AGAP6: variants seen among roughly 807,000 people sequenced by gnomAD.
The protein encoded by AGAP6 is arf-GAP with GTPase, ANK repeat and PH domain-containing protein 6.
A neutral mutation model predicts 63.9 loss-of-function variants in AGAP6; 29 were observed. The ratio of observed to expected loss-of-function variants is 0.45; its 90% CI spans 0.34 to 0.62. The LOEUF (loss-of-function observed/expected upper bound fraction) is 0.62. Ranked by LOEUF, AGAP6 falls within the 20% of genes least tolerant of loss-of-function variation. The probability of loss-of-function intolerance (pLI) is 0.01; values close to 1 mark genes in which losing one functional copy is unlikely to be tolerated. For missense variants in AGAP6, 493 were observed against 884.9 expected (o/e 0.56, Z 5.62); for synonymous variants, 199 against 332.9 (o/e 0.60, Z 4.38).
rs1841148426 is a variant in AGAP6 at position 49,988,886 on chromosome 10, A to C, written c.171A>C (p.Glu57Asp). 3 of 1,599,748 alleles carry C rather than the reference A, an allele frequency of 1.9e-6. No individual in the cohort carries two copies. The South Asian group carries it at 3.3e-5, about 18-fold the overall frequency. ...AAVQPAEVTV[E>D]VGEDLHMHHV... ...TACAGCCTGCTGAGGTGACTGTTGA[A>C]GTTGGTGAGGACCTCCACATGCACC... is the stretch of plus-strand genomic sequence containing the variant. The change falls in exon 1 of 8, where the codon GAA becomes GAC. Residue 57 changes from glutamate to aspartate, a missense_variant. Physicochemically the swap from Glu to Asp is conservative, Grantham distance 45 (BLOSUM62 2). Transcript: ENST00000412531.
intron 5 of AGAP6, among the ~76,000 whole-genome samples, chr10:50,004,225 G>A (rs1464962338): frequency 2.7e-5 from 4 of 146,404 alleles, no homozygotes; most frequent in East Asian, 4.1e-4. Context: ...GCATAGTGGC[G>A]CAAACTTGTA....
At chr10:50,001,462 C>A (rs1318981767) in intron 4 of AGAP6, among the ~76,000 whole-genome samples, 1 of 116,408 alleles carries the variant, frequency 8.6e-6, no homozygotes. Context: ...CTTTGTCTGC[C>A]GGCCTGGAGT....
intron 4 of AGAP6, among the ~76,000 whole-genome samples, chr10:49,995,564 C>T (rs1163111908): frequency 1.3e-5 from 2 of 152,064 alleles, no homozygotes; most frequent in Middle Eastern, 3.2e-3. Context: ...TTTCTTTGGC[C>T]TTTTGTCATC....
chr10:50,007,800 C>T (rs1435231542), intron 6 of AGAP6, among the ~76,000 whole-genome samples: 5 of 152,020 alleles, frequency 3.3e-5, no homozygotes, highest in Admixed American at 3.3e-4. Context: ...TACTCACGGG[C>T]ATTTCTGACT....
In AGAP6 at chr10:49,991,736, A is replaced by G; in HGVS notation, c.353A>G (p.Gln118Arg). The G allele has an allele frequency of 6.3e-7, 1 of 1,598,662 alleles. No homozygotes were observed. Among genetic ancestry groups the G allele is most frequent in the Non-Finnish European group, 8.5e-7 (1 of 1,179,742 alleles). The change falls in exon 3 of 8, where the codon CAA (glutamine) becomes CGA (arginine). Residue 118 changes from glutamine to arginine, a missense_variant. Transcript: ENST00000412531. ...AGCACAATATTCCAGAGGAACTCTC[A>G]AACAGATGGTGAGACGACATTGTCT... The part of the protein sequence containing the change: ...EASTIFQRNS[Q>R]TDVVEIRRSN...
rs782218965 is a variant in AGAP6 at position 49,989,371 on chromosome 10, CAGA to C, written c.290_292del (p.Glu97del). On this transcript the variant is annotated inframe_deletion and splice_region_variant, in exon 2 of 8. Coordinates refer to ENST00000412531, the MANE Select transcript of AGAP6 (RefSeq NM_001077665.3). ...ACAATATTCCAGAGGAACTCTCAAACAGAAGGTGAGACAACAGTGTCTGTAGCT... is the reference window on the plus strand; with the variant it reads ...ACAATATTCCAGAGGAACTCTCAAACAGGTGAGACAACAGTGTCTGTAGCT... 3 of 1,597,354 alleles carry C rather than the reference CAGA, an allele frequency of 1.9e-6. No homozygotes were observed. Among genetic ancestry groups the C allele is most frequent in the Non-Finnish European group, 1.7e-6 (2 of 1,179,752 alleles).
rs781988484 is a variant in AGAP6 at position 50,002,022 on chromosome 10, A to G, written c.423A>G (p.Gln141=). The G allele has an allele frequency of 5.0e-6, 8 of 1,612,868 alleles. No individual in the cohort carries two copies. In the South Asian group the frequency reaches 6.6e-5, roughly 13 times the overall value. The stretch of plus-strand genomic sequence containing the variant: ...TATCTGCTGTGCGTTTCAGTCAACA[A>G]TACAGCTTGTGTTCGACAATATTCC... ...NHVSAVRFSQ[Q]YSLCSTIFLD... is the part of the protein sequence containing the mutation. The change falls in exon 5 of 8, where the codon CAA becomes CAG. Residue 141 remains glutamine (Q), a synonymous_variant. Transcript: ENST00000412531.
chr10:49,995,115 A>G (rs1161222452), intron 4 of AGAP6, among the ~76,000 whole-genome samples: 2 of 152,104 alleles, frequency 1.3e-5, no homozygotes, highest in Non-Finnish European at 2.9e-5. Context: ...CCATGATCTT[A>G]TGTTTCTCCC....
At chr10:49,989,455 T>G in intron 2 of AGAP6, 79 bp downstream of exon 2, 1 of 1,586,874 alleles carries the variant, frequency 6.3e-7, no homozygotes, top group Non-Finnish European at 8.5e-7. Flanking sequence ...TCTCTTCCTT[T>G]TCTCAGTAAA....
intron 2 of AGAP6, among the ~76,000 whole-genome samples, chr10:49,990,658 C>T (rs1238604243): frequency 1.3e-5 from 2 of 152,138 alleles, no homozygotes; most frequent in Non-Finnish European, 2.9e-5. Context: ...GCATCATAAA[C>T]ATATTAAATC....
Position 50,008,785 on chromosome 10 carries a change from G to A in AGAP6, c.660G>A (p.Ser220=), listed in dbSNP as rs782250487. 17 of 1,613,846 alleles carry A rather than the reference G, an allele frequency of 1.1e-5. No individual in the cohort carries two copies. The highest frequency in any genetic ancestry group is 4.0e-5 in the African/African-American group (3 of 74,818). The change falls in exon 8 of 8, where the codon TCG becomes TCA. Residue 220 remains serine, a synonymous_variant. Coordinates refer to ENST00000412531, the MANE Select transcript of AGAP6 (RefSeq NM_001077665.3). The part of the protein sequence containing the change: ...SLNNYSSSIP[S]TPSTSQEDPQ... Reference sequence around the variant, plus strand: ...ATAACTATTCCTCCTCCATTCCATCGACTCCCAGCACCAGCCAGGAGGACC... The same window carrying A: ...ATAACTATTCCTCCTCCATTCCATCAACTCCCAGCACCAGCCAGGAGGACC...
chr10:49,995,593 G>T (rs1490596607), intron 4 of AGAP6, among the ~76,000 whole-genome samples: 2 of 152,008 alleles, frequency 1.3e-5, no homozygotes, highest in Admixed American at 1.3e-4. Context: ...ATATAGCGTG[G>T]GTTTCCCTAG....
In AGAP6 at chr10:49,991,670, A is replaced by G. The variant is rs373362043; in HGVS notation, c.293-6A>G. On this transcript the variant is annotated splice_polypyrimidine_tract_variant and splice_region_variant and intron_variant, in intron 2 of 7. Coordinates refer to ENST00000412531, the MANE Select transcript of AGAP6 (RefSeq NM_001077665.3). ...CTTTTTTTCTTTTCTTCCTCTGTGC[A>G]TATAGCTTTGGAGTTTAACCCTTCT... 3.0e-4 allele frequency: 487 copies of G among 1,598,490 alleles called. 3 individuals carry two copies. The African/African-American group carries it at 5.9e-3, about 19-fold the overall frequency.
Position 50,009,524 on chromosome 10 carries a change from C to T in AGAP6, c.1399C>T (p.Leu467=). ...GACCAGCCAGAGCGAGGCCATGGCC[C>T]TGCAGTCGATCCAAAACATGCGTGG... is the stretch of plus-strand genomic sequence containing the variant. ...QLTSQSEAMA[L]QSIQNMRGNA... Residue 467 remains leucine (L), a synonymous_variant, in exon 8 of 8, where the codon CTG becomes TTG. Transcript: ENST00000412531. The T allele has an allele frequency of 1.2e-6, 2 of 1,613,466 alleles. No homozygotes were observed. Among genetic ancestry groups the T allele is most frequent in the Non-Finnish European group, 1.7e-6 (2 of 1,179,892 alleles).
At chr10:50,006,690 C>CT (rs1841923764) in intron 6 of AGAP6, among the ~76,000 whole-genome samples, 1 of 151,324 alleles carries the variant, frequency 6.6e-6, no homozygotes, top group Non-Finnish European at 1.5e-5. Flanking sequence ...CCCAGTTGTA[C>CT]TTTTAAATAA....
At chr10:50,004,981 T>C (rs1841859336) in intron 6 of AGAP6, among the ~76,000 whole-genome samples, 1 of 152,226 alleles carries the variant, frequency 6.6e-6, no homozygotes, top group Admixed American at 6.5e-5. Flanking sequence ...TCAAAATCTG[T>C]TTTTAGTTTA....
intron 3 of AGAP6, among the ~76,000 whole-genome samples, chr10:49,993,819 C>CAA (rs527964744): frequency 9.6e-6 from 1 of 103,638 alleles, no homozygotes. Context: ...GACTCCATCT[C>CAA]AAAAAAAAAA....
At chr10:50,007,783 GA>G (rs1554864161) in intron 6 of AGAP6, among the ~76,000 whole-genome samples, 2 of 152,050 alleles carry the variant, frequency 1.3e-5, no homozygotes, top group East Asian at 3.9e-4. Context: ...CTGTTAGGGA[GA>G]GTCAATACTC....
In AGAP6 at chr10:50,010,276, T is replaced by G. The variant is rs1842065071; in HGVS notation, c.*90T>G. On this transcript the variant is annotated 3_prime_UTR_variant, in exon 8 of 8. Transcript: ENST00000412531. Reference sequence around the variant, plus strand: ...CAGAATTTCAAAAGGAAATCACAAATTCAGCTAATATTAGCATTTTCAGTA... The same window carrying G: ...CAGAATTTCAAAAGGAAATCACAAAGTCAGCTAATATTAGCATTTTCAGTA... 1 of 1,603,186 alleles carries G rather than the reference T, an allele frequency of 6.2e-7. No homozygotes were observed. Among genetic ancestry groups the G allele is most frequent in the Admixed American group, 1.7e-5 (1 of 59,622 alleles).
Sources: gnomAD v4.1 joint callset for allele counts (sites outside exome capture counted in the v4.1 genomes callset) on GRCh38, gnomAD v4.1.1 for gene constraint, MANE v1.5 for transcripts, NCBI Gene and HGNC (gene_info 2026-07-23, HGNC 2026-07-21) for gene names.